The following SYN3 variants were observed in gnomAD, a reference collection of about 807,000 sequenced individuals.
SYN3 encodes the protein synapsin-3.
In SYN3, 35 loss-of-function variants were observed where a neutral mutation model predicts 65.8. The ratio of observed to expected loss-of-function variants is 0.53; its 90% CI spans 0.41 to 0.70. SYN3 has a LOEUF of 0.70. SYN3 is among the 30% of genes least tolerant of loss of function. The pLI is 0.00. For synonymous variants in SYN3, 270 were observed against 292.9 expected (o/e 0.92, Z 0.80); for missense variants, 680 against 749.0 (o/e 0.91, Z 1.08).
At chr22:33,012,832 C>T (rs554482358) in intron 1 of SYN3, among the ~76,000 whole-genome samples, 37 of 152,354 alleles carry the variant, frequency 2.4e-4, no homozygotes, top group African/African-American at 8.2e-4. Flanking sequence ...TGCCAGGTGG[C>T]GTGGGAAGAG....
intron 6 of SYN3, among the ~76,000 whole-genome samples, chr22:32,716,101 G>A (rs532877055): frequency 3.3e-4 from 50 of 152,294 alleles, no homozygotes; most frequent in African/African-American, 1.2e-3. Context: ...CAAAGATGTG[G>A]ATGGGACAAT....
chr22:32,962,129 C>A (rs796355538), intron 3 of SYN3, among the ~76,000 whole-genome samples: 4 of 107,202 alleles, frequency 3.7e-5, no homozygotes, highest in African/African-American at 1.5e-4. Flanking sequence ...TTTAGAATCT[C>A]TTTTTTTTTT....
intron 6 of SYN3, among the ~76,000 whole-genome samples, chr22:32,759,826 A>C (rs1313323671): frequency 2.3e-5 from 1 of 43,452 alleles, no homozygotes; most frequent in African/African-American, 8.8e-5. Context: ...CCCACCCACC[A>C]TCAGCCAGCA....
chr22:32,564,257 A>C (rs1282531507), intron 7 of SYN3, among the ~76,000 whole-genome samples: 1 of 152,170 alleles, frequency 6.6e-6, no homozygotes, highest in Non-Finnish European at 1.5e-5. Context: ...CACGTCTTTC[A>C]TACTGGGAGT....
intron 10 of SYN3, among the ~76,000 whole-genome samples, chr22:32,531,377 C>T (rs1268255196): frequency 2.0e-5 from 3 of 152,000 alleles, no homozygotes; most frequent in African/African-American, 7.2e-5. Flanking sequence ...CCTGCCAACC[C>T]CATTTTATTC....
chr22:32,991,633 C>A (rs928910183), intron 2 of SYN3, among the ~76,000 whole-genome samples: 1 of 152,164 alleles, frequency 6.6e-6, no homozygotes, highest in Non-Finnish European at 1.5e-5. Context: ...GGAAATATTT[C>A]TCTATGCCTG....
chr22:33,005,246 A>C (rs1004104807), intron 2 of SYN3, among the ~76,000 whole-genome samples: 7 of 152,146 alleles, frequency 4.6e-5, no homozygotes, highest in African/African-American at 1.7e-4. Flanking sequence ...GGAGACATGC[A>C]CATGCGACCC....
intron 6 of SYN3, among the ~76,000 whole-genome samples, chr22:32,797,399 A>G (rs986813167): frequency 6.6e-6 from 1 of 152,180 alleles, no homozygotes. Context: ...TTGTCAAAGA[A>G]GTTGATACAG....
At chr22:32,541,295 G>A (rs906689281) in intron 8 of SYN3, among the ~76,000 whole-genome samples, 9 of 152,162 alleles carry the variant, frequency 5.9e-5, no homozygotes, top group Non-Finnish European at 1.3e-4. Flanking sequence ...CTCTCTCAAA[G>A]ACATATATCC....
At chr22:32,897,500 G>A (rs1177278085) in intron 4 of SYN3, among the ~76,000 whole-genome samples, 2 of 152,152 alleles carry the variant, frequency 1.3e-5, no homozygotes, top group South Asian at 2.1e-4. Context: ...CTGCTTCCCC[G>A]CCGGCCTCCC....
chr22:32,719,016 T>C (rs2061078542), intron 6 of SYN3, among the ~76,000 whole-genome samples: 1 of 152,222 alleles, frequency 6.6e-6, no homozygotes, highest in African/African-American at 2.4e-5. Context: ...TCCATTTTTA[T>C]CTGGTCGACA....
At chr22:32,637,181 T>C (rs2059828574) in intron 6 of SYN3, among the ~76,000 whole-genome samples, 1 of 152,200 alleles carries the variant, frequency 6.6e-6, no homozygotes, top group African/African-American at 2.4e-5. Context: ...AAGTGAAGTG[T>C]TGTAATAGAG....
chr22:32,677,187 T>C (rs2060457994), intron 6 of SYN3, among the ~76,000 whole-genome samples: 2 of 152,312 alleles, frequency 1.3e-5, no homozygotes, highest in South Asian at 4.1e-4. Context: ...GAAAATGCTC[T>C]AGCACCTGGG....
intron 1 of SYN3, among the ~76,000 whole-genome samples, chr22:33,009,795 T>C (rs1001649607): frequency 8.7e-6 from 1 of 115,468 alleles, no homozygotes; most frequent in East Asian, 2.2e-4. Flanking sequence ...CACACACACT[T>C]ATATATGCAT....
intron 4 of SYN3, among the ~76,000 whole-genome samples, chr22:32,883,873 A>T (rs2049213929): frequency 6.6e-6 from 1 of 152,248 alleles, no homozygotes; most frequent in South Asian, 2.1e-4. Flanking sequence ...AGCCGGCCTC[A>T]GAGTGGTAGT....
At chr22:32,699,227 G>C (rs772914342) in intron 6 of SYN3, among the ~76,000 whole-genome samples, 4 of 152,188 alleles carry the variant, frequency 2.6e-5, no homozygotes, top group Admixed American at 6.5e-5. Context: ...ACTTGTTTTG[G>C]GGGGCTTTAC....
intron 3 of SYN3, among the ~76,000 whole-genome samples, chr22:32,966,051 A>G (rs186278453): frequency 2.0e-4 from 31 of 152,250 alleles, no homozygotes; most frequent in Admixed American, 7.2e-4. Context: ...ATAGGCAGTC[A>G]ATGAATATTT....
At chr22:32,718,555 T>C (rs2061071377) in intron 6 of SYN3, among the ~76,000 whole-genome samples, 1 of 151,268 alleles carries the variant, frequency 6.6e-6, no homozygotes, top group African/African-American at 2.4e-5. Flanking sequence ...AATCCATATA[T>C]TGGCATTCTT....
rs561849670 is a variant in SYN3 at position 33,035,340 on chromosome 22, C to T, written c.-163+22952G>A. 1.7e-4 allele frequency among the ~76,000 whole-genome samples: 18 copies of T among 107,386 alleles called. 3 individuals carry two copies. The highest frequency in any genetic ancestry group is 5.9e-4 in the African/African-American group (17 of 28,890). The allele number at this position is 107,386 out of a possible 152,430, so 70.4% of individuals were successfully genotyped here. On this transcript the variant is annotated intron_variant, in intron 1 of 13. Transcript: ENST00000358763. ...ATTAAAAATCTCGGGACCCCCCCCC[C>T]CCCCGCCACCAAACTTCTTATGCAA...
Sources: gnomAD v4.1 joint callset for allele counts (sites outside exome capture counted in the v4.1 genomes callset) on GRCh38, gnomAD v4.1.1 for gene constraint, MANE v1.5 for transcripts, NCBI Gene and HGNC (gene_info 2026-07-23, HGNC 2026-07-21) for gene names.